ZDHHC6: variants seen among roughly 807,000 people sequenced by gnomAD.
The protein encoded by ZDHHC6 is zDHHC palmitoyltransferase 6, also known as palmitoyltransferase ZDHHC6.
In ZDHHC6, 32 loss-of-function variants were observed where a neutral mutation model predicts 57.8. That is an observed-to-expected ratio of 0.55 (90% confidence interval 0.42 to 0.74). The LOEUF (loss-of-function observed/expected upper bound fraction) is 0.74, where lower values mean the gene tolerates loss of function less well. Among genes scored for constraint, ZDHHC6 ranks in the 30% least tolerant of loss-of-function variants. The pLI is 0.00. For synonymous variants in ZDHHC6, 128 were observed against 158.0 expected (o/e 0.81, Z 1.42); for missense variants, 433 against 500.7 (o/e 0.86, Z 1.29).
At chr10:112,440,252 A>C (rs1380149664) in intron 5 of ZDHHC6, among the ~76,000 whole-genome samples, 2 of 152,202 alleles carry the variant, frequency 1.3e-5, no homozygotes, top group African/African-American at 4.8e-5. Flanking sequence ...TGTGAAGAGC[A>C]AGAGAGACTG....
rs1180145234 is a variant in ZDHHC6, at chr10:112,432,467, C to T, written c.1000G>A (p.Gly334Arg). ...YSGACCPLNK[G>R]IKTFFTSPCT... ...GGACTTGTGAAGAAGGTTTTGATTC[C>T]TTTATTCAGAGGGCAGCAGGCACCA... Residue 334 changes from glycine to arginine, a missense_variant, in exon 9 of 11, where the codon GGA becomes AGA. Physicochemically the swap from Gly to Arg is moderately radical, Grantham distance 125. Coordinates refer to ENST00000369405, the MANE Select transcript of ZDHHC6 (RefSeq NM_022494.3). 11 of 1,614,100 alleles carry T rather than the reference C, an allele frequency of 6.8e-6. No individual in the cohort carries two copies. Among genetic ancestry groups the T allele is most frequent in the Non-Finnish European group, 9.3e-6 (11 of 1,180,008 alleles).
chr10:112,427,351 A>G (rs1844772905), downstream of ZDHHC6: 1 of 1,612,216 alleles, frequency 6.2e-7, no homozygotes, highest in African/African-American at 1.3e-5. Flanking sequence ...GAGCACATCC[A>G]GGATTAGGAT....
upstream of ZDHHC6, chr10:112,447,455 C>A: frequency 6.2e-7 from 1 of 1,613,412 alleles, no homozygotes; most frequent in Non-Finnish European, 8.5e-7. Flanking sequence ...GAGGGTCCCA[C>A]GACTCCCGCC....
downstream of ZDHHC6, chr10:112,426,607 C>T (rs1342268651): frequency 3.1e-6 from 2 of 636,078 alleles, no homozygotes; most frequent in Non-Finnish European, 5.5e-6. Context: ...ACTGTTAACA[C>T]TTAGATGTGC....
chr10:112,447,220 A>G (rs1184526891), upstream of ZDHHC6: 3 of 690,140 alleles, frequency 4.3e-6, no homozygotes, highest in Non-Finnish European at 6.9e-6. Flanking sequence ...GCGACGAACA[A>G]CCAGGAAGCG....
intron 3 of ZDHHC6, 133 bp from the exon 4 acceptor site, chr10:112,442,484 CAG>C: frequency 6.1e-6 from 5 of 820,258 alleles, no homozygotes; most frequent in Non-Finnish European, 8.9e-6. Flanking sequence ...CTTCATGGAA[CAG>C]AAAGAAAAAT....
At chr10:112,447,103 G>A (rs988072946), upstream of ZDHHC6, 6 of 479,538 alleles carry the variant, frequency 1.3e-5, no homozygotes, top group Non-Finnish European at 1.9e-5. Flanking sequence ...ACGCTTTTCT[G>A]GGGGGAGGCA....
chr10:112,447,287 G>A, upstream of ZDHHC6: 3 of 1,450,084 alleles, frequency 2.1e-6, no homozygotes, highest in South Asian at 3.6e-5. Flanking sequence ...ACCTTCCGGG[G>A]TTCCTAAGCC....
intron 10 of ZDHHC6, among the ~76,000 whole-genome samples, chr10:112,431,697 C>A (rs1390777279): frequency 6.6e-6 from 1 of 151,592 alleles, no homozygotes; most frequent in Non-Finnish European, 1.5e-5. Flanking sequence ...ACATCCCGAG[C>A]TAATCTTTAC....
Position 112,442,275 on chromosome 10 carries a change from G to C in ZDHHC6, c.436C>G (p.Leu146Val). The C allele has an allele frequency of 6.2e-7, 1 of 1,614,038 alleles. No homozygotes were observed. The highest frequency in any genetic ancestry group is 8.5e-7 in the Non-Finnish European group (1 of 1,179,954). Residue 146 changes from leucine to valine, a missense_variant, in exon 4 of 11, where the codon CTG becomes GTG. Transcript: ENST00000369405. ...CGYQNHASFT[L>V]FLLLAPLGCI... Reference sequence around the variant, plus strand: ...CCCAGTGGTGCTAAAAGGAGAAACAGTGTGAACGAAGCATGATTTTGGTAA... The same window carrying C: ...CCCAGTGGTGCTAAAAGGAGAAACACTGTGAACGAAGCATGATTTTGGTAA...
intron 7 of ZDHHC6, among the ~76,000 whole-genome samples, chr10:112,433,747 GGAGA>G (rs1845260582): frequency 6.6e-6 from 1 of 152,100 alleles, no homozygotes; most frequent in Non-Finnish European, 1.5e-5. Context: ...AGATATAATA[GGAGA>G]AATAAAGATA....
At chr10:112,441,653 G>A (rs1007074717) in intron 4 of ZDHHC6, among the ~76,000 whole-genome samples, 8 of 152,188 alleles carry the variant, frequency 5.3e-5, no homozygotes, top group African/African-American at 1.9e-4. Flanking sequence ...AGTCCCATCA[G>A]GTGTGTCTCT....
chr10:112,436,265 A>G (rs184067649), intron 6 of ZDHHC6, among the ~76,000 whole-genome samples: 5 of 152,320 alleles, frequency 3.3e-5, no homozygotes, highest in African/African-American at 9.6e-5. Context: ...ACTTGAGGTG[A>G]GGAGTTTGAG....
chr10:112,444,648 C>T (rs1056126567), intron 2 of ZDHHC6, among the ~76,000 whole-genome samples: 6 of 152,124 alleles, frequency 3.9e-5, no homozygotes, highest in African/African-American at 1.4e-4. Flanking sequence ...CAGGTGTGGT[C>T]CCTTAGCAGG....
At position 112,434,426 on chromosome 10, in the gene ZDHHC6, G is replaced by C; in HGVS notation, c.774C>G (p.Val258=). Residue 258 remains valine (V), a synonymous_variant, in exon 7 of 11, where the codon GTC becomes GTG. Transcript: ENST00000369405. ...TTCCCATATCATATGGAAAAACAAA[G>C]ACTTCATCTAGTTGATAATACTGAA... ...DRIQYYQLDE[V]FVFPYDMGSR... 1 of 1,613,738 alleles carries C rather than the reference G, an allele frequency of 6.2e-7. No individual in the cohort carries two copies. Among genetic ancestry groups the C allele is most frequent in the Non-Finnish European group, 8.5e-7 (1 of 1,179,820 alleles).
intron 7 of ZDHHC6, chr10:112,433,701 T>G (rs1037669089): frequency 6.3e-6 from 1 of 157,874 alleles, no homozygotes; most frequent in Non-Finnish European, 1.4e-5. Flanking sequence ...CATCATAACT[T>G]AATTTGACAT....
chr10:112,441,642 C>G (rs1846125772), intron 4 of ZDHHC6, among the ~76,000 whole-genome samples: 1 of 152,228 alleles, frequency 6.6e-6, no homozygotes, highest in Non-Finnish European at 1.5e-5. Context: ...TCCAGTTTGG[C>G]AGTCCCATCA....
intron 3 of ZDHHC6, among the ~76,000 whole-genome samples, chr10:112,442,886 C>T (rs1846259643): frequency 1.4e-5 from 1 of 71,900 alleles, no homozygotes; most frequent in Non-Finnish European, 3.6e-5. Context: ...TAAACAAAGT[C>T]TTGCCGTGTA....
Position 112,442,194 on chromosome 10 carries a change from G to A in ZDHHC6, c.517C>T (p.Arg173Trp), listed in dbSNP as rs1255027701. 3 of 1,600,350 alleles carry A rather than the reference G, an allele frequency of 1.9e-6. No individual in the cohort carries two copies. The highest frequency in any genetic ancestry group is 1.1e-5 in the South Asian group (1 of 87,916). Residue 173 changes from arginine to tryptophan, a missense_variant and splice_region_variant, in exon 4 of 11, where the codon CGG becomes TGG. Arg to Trp is a moderately radical substitution (Grantham distance 101). Coordinates refer to ENST00000369405, the MANE Select transcript of ZDHHC6 (RefSeq NM_022494.3). ...AAAACATTTTCATTTTCACTTACCC[G>A]ATGATAAAGCTGTGTGTACATAGTC... Reference protein sequence around the residue: ...VMTMYTQLYHRLSFGWNTVKI... With the variant: ...VMTMYTQLYHWLSFGWNTVKI...
Sources: allele counts gnomAD v4.1 joint callset (sites outside exome capture counted in the v4.1 genomes callset), GRCh38; gene constraint gnomAD v4.1.1; transcripts MANE v1.5; gene names NCBI Gene and HGNC (gene_info 2026-07-23, HGNC 2026-07-21).